AKAP10: variants seen among roughly 807,000 people sequenced by gnomAD.
The protein encoded by AKAP10 is A-kinase anchor protein 10, mitochondrial.
AKAP10 carries 24 observed loss-of-function variants against 80.8 expected under a neutral mutation model. The ratio of observed to expected loss-of-function variants is 0.30; its 90% CI spans 0.22 to 0.42. The LOEUF (loss-of-function observed/expected upper bound fraction) is 0.42. AKAP10 is among the 10% of genes least tolerant of loss of function. AKAP10 has a pLI of 1.00. For missense variants in AKAP10, 661 were observed against 794.9 expected, an observed-to-expected ratio of 0.83 and a Z score of 2.03; for synonymous variants, 291 against 277.7, an observed-to-expected ratio of 1.05 and a Z score of -0.48.
At chr17:19,971,328 G>C (rs1227182836) in intron 1 of AKAP10, among the ~76,000 whole-genome samples, 1 of 151,850 alleles carries the variant, frequency 6.6e-6, no homozygotes, top group African/African-American at 2.4e-5. Context: ...GGCCAACATG[G>C]TGAAACCCTG....
intron 2 of AKAP10, among the ~76,000 whole-genome samples, chr17:19,963,918 T>A (rs1222052930): frequency 6.6e-6 from 1 of 151,058 alleles, no homozygotes; most frequent in Non-Finnish European, 1.5e-5. Context: ...CAAAAAAAGA[T>A]AAAGCACACT....
intron 3 of AKAP10, among the ~76,000 whole-genome samples, chr17:19,962,638 C>A (rs1221367525): frequency 1.3e-5 from 2 of 152,084 alleles, no homozygotes; most frequent in Non-Finnish European, 2.9e-5. Context: ...TCTGGAAATG[C>A]TTGTTTTTCT....
chr17:19,939,239 C>T (rs1205361939), intron 8 of AKAP10, among the ~76,000 whole-genome samples: 1 of 152,052 alleles, frequency 6.6e-6, no homozygotes, highest in Non-Finnish European at 1.5e-5. Flanking sequence ...GTATAATATA[C>T]CCATAAATAG....
chr17:19,937,512 AAAG>A (rs761354538), intron 8 of AKAP10, among the ~76,000 whole-genome samples: 5 of 152,174 alleles, frequency 3.3e-5, no homozygotes, highest in Non-Finnish European at 7.3e-5. Flanking sequence ...AAAAAATAAA[AAAG>A]AAGAAAAAAA....
At chr17:19,919,269 T>A (rs1429127004) in intron 12 of AKAP10, among the ~76,000 whole-genome samples, 1 of 152,232 alleles carries the variant, frequency 6.6e-6, no homozygotes, top group Non-Finnish European at 1.5e-5. Flanking sequence ...TCCTTTTTTA[T>A]GGCTGCATAG....
At chr17:19,963,832 G>A (rs1307374768) in intron 2 of AKAP10, among the ~76,000 whole-genome samples, 1 of 151,730 alleles carries the variant, frequency 6.6e-6, no homozygotes, top group Non-Finnish European at 1.5e-5. Context: ...GGAGGCGAAG[G>A]TTGCAGTGAG....
rs2042614404 is a variant in AKAP10 at position 19,904,670 on chromosome 17, G to T, written c.*1557C>A. On this transcript the variant is annotated 3_prime_UTR_variant, in exon 15 of 15. Transcript: ENST00000225737. ...AAGTCCAGTAGTGGCTCATGTTCTG[G>T]GTTTTTAGAAAGCAAATGAAAATAT... 6.6e-6 allele frequency: 1 copy of T among 151,942 alleles called. No homozygotes were observed. The highest frequency in any genetic ancestry group is 1.9e-4 in the East Asian group (1 of 5,192). 9.4% of individuals were successfully genotyped at this position (151,942 alleles called of 1,614,324 possible).
At chr17:19,973,634 A>C (rs978886663) in intron 1 of AKAP10, among the ~76,000 whole-genome samples, 4 of 152,242 alleles carry the variant, frequency 2.6e-5, no homozygotes, top group African/African-American at 9.6e-5. Flanking sequence ...AGCCTATGGC[A>C]AAATAATGCT....
rs148447206 is a variant in AKAP10 at position 19,923,627 on chromosome 17, C to T, written c.1751+781G>A. Among the ~76,000 whole-genome samples, 405 of 151,724 alleles carry T rather than the reference C, an allele frequency of 2.7e-3. 1 individual carries two copies. Among genetic ancestry groups the T allele is most frequent in the African/African-American group, 9.2e-3 (381 of 41,342 alleles). ...CTGCAAGCTCCGCCTCCCGGGCTCACGCCATTCTCCTGTCTCAGCCTCCCA... is the reference window on the plus strand; with the variant it reads ...CTGCAAGCTCCGCCTCCCGGGCTCATGCCATTCTCCTGTCTCAGCCTCCCA... On this transcript the variant is annotated intron_variant, in intron 11 of 14. Transcript: ENST00000225737.
intron 5 of AKAP10, among the ~76,000 whole-genome samples, chr17:19,943,568 A>T (rs1181534203): frequency 6.6e-6 from 1 of 152,232 alleles, no homozygotes; most frequent in African/African-American, 2.4e-5. Context: ...TACCTTGCCC[A>T]TGCATCTCTT....
Position 19,919,001 on chromosome 17 carries a change from T to C in AKAP10, c.1834+1035A>G, listed in dbSNP as rs569153271. 1.4e-4 allele frequency among the ~76,000 whole-genome samples: 22 copies of C among 152,290 alleles called. 2 individuals are homozygous for C. In the South Asian group the frequency reaches 4.6e-3, roughly 32 times the overall value. On this transcript the variant is annotated intron_variant, in intron 12 of 14. Transcript: ENST00000225737. ...TGCAGCTTTGTTACATATGTATACA[T>C]GTACCATGTTGGTGTGCTGCACCCA... is the stretch of plus-strand genomic sequence containing the variant.
chr17:19,943,310 A>G (rs2043069038), intron 5 of AKAP10, among the ~76,000 whole-genome samples: 4 of 152,192 alleles, frequency 2.6e-5, no homozygotes, highest in Admixed American at 6.5e-5. Context: ...GCTAATCACC[A>G]GAAAGACCAA....
In AKAP10 at chr17:19,936,362, T is replaced by C. The variant is rs2042992189; in HGVS notation, c.1391A>G (p.Asn464Ser). ...GAGTGGCCCACCTTCCCTGCAGATA[T>C]TGGATTCAATTTCTAATCGTACAAC... ...DDVVRLEIES[N>S]ICREGGPLPN... Residue 464 changes from asparagine to serine, a missense_variant, in exon 9 of 15, where the codon AAT (asparagine) becomes AGT (serine). Coordinates refer to ENST00000225737, the MANE Select transcript of AKAP10 (RefSeq NM_007202.4). 1.9e-6 allele frequency: 3 copies of C among 1,613,620 alleles called. No homozygotes were observed. Among genetic ancestry groups the C allele is most frequent in the Non-Finnish European group, 1.7e-6 (2 of 1,179,744 alleles).
At chr17:19,976,730 C>A (rs2043572735) in intron 1 of AKAP10, among the ~76,000 whole-genome samples, 1 of 152,060 alleles carries the variant, frequency 6.6e-6, no homozygotes, top group Non-Finnish European at 1.5e-5. Context: ...GTTGGTCAGG[C>A]TGGTCTTGAA....
chr17:19,937,418 C>T (rs1350355254), intron 8 of AKAP10, among the ~76,000 whole-genome samples: 1 of 152,144 alleles, frequency 6.6e-6, no homozygotes, highest in Non-Finnish European at 1.5e-5. Context: ...AGGAGAACCG[C>T]TTGAACCCAG....
At chr17:19,912,186 G>A (rs1209478308) in intron 12 of AKAP10, among the ~76,000 whole-genome samples, 2 of 152,106 alleles carry the variant, frequency 1.3e-5, no homozygotes, top group South Asian at 2.1e-4. Flanking sequence ...AGGCTGGGGC[G>A]GGCAAATCAC....
At chr17:19,946,454 G>C (rs964141282) in intron 5 of AKAP10, among the ~76,000 whole-genome samples, 1 of 146,450 alleles carries the variant, frequency 6.8e-6, no homozygotes, top group African/African-American at 2.5e-5. Context: ...TAACTTCTCT[G>C]TGCTTCAGTT....
At position 19,906,248 on chromosome 17, in the gene AKAP10, A is replaced by G; in HGVS notation, c.1984-16T>C. On this transcript the variant is annotated splice_polypyrimidine_tract_variant and intron_variant, in intron 14 of 14. Transcript: ENST00000225737. ...TGAGTCATAACTGAAAAAAGAAAAG[A>G]AAAGAAAATGGTAAGGTGCATTTCT... 1 of 1,603,428 alleles carries G rather than the reference A, an allele frequency of 6.2e-7. No individual in the cohort carries two copies. Among genetic ancestry groups the G allele is most frequent in the Non-Finnish European group, 8.5e-7 (1 of 1,177,370 alleles).
intron 1 of AKAP10, among the ~76,000 whole-genome samples, chr17:19,975,414 T>C (rs1183826673): frequency 6.6e-6 from 1 of 152,162 alleles, no homozygotes; most frequent in African/African-American, 2.4e-5. Context: ...TAGCCTTCTT[T>C]CCTCTCTTGA....
Sources: allele counts gnomAD v4.1 joint callset (sites outside exome capture counted in the v4.1 genomes callset), GRCh38; gene constraint gnomAD v4.1.1; transcripts MANE v1.5; gene names NCBI Gene and HGNC (gene_info 2026-07-23, HGNC 2026-07-21).